GCNT2: variants seen among roughly 807,000 people sequenced by gnomAD.
GCNT2 encodes glucosaminyl (N-acetyl) transferase 2 (I blood group), also known as N-acetyllactosaminide beta-1,6-N-acetylglucosaminyl-transferase.
In GCNT2, 34 loss-of-function variants were observed where a neutral mutation model predicts 34.2. The ratio of observed to expected loss-of-function variants is 1.00; its 90% CI spans 0.76 to 1.32. GCNT2 has a LOEUF of 1.32. Among genes scored for constraint, GCNT2 ranks in the 40% most tolerant of loss-of-function variants. The pLI is 0.00. For missense variants in GCNT2, 584 were observed against 489.4 expected, an observed-to-expected ratio of 1.19 and a Z score of -1.82; for synonymous variants, 212 against 188.0, an observed-to-expected ratio of 1.13 and a Z score of -1.04.
intron 3 of GCNT2, chr6:10,557,095 T>C (rs751290591): frequency 6.3e-7 from 1 of 1,582,950 alleles, no homozygotes; most frequent in Admixed American, 1.8e-5. Flanking sequence ...CTCATGCAAT[T>C]GGACGGACTA....
chr6:10,570,008 C>T (rs1763487000), intron 3 of GCNT2, among the ~76,000 whole-genome samples: 1 of 151,860 alleles, frequency 6.6e-6, no homozygotes, highest in Non-Finnish European at 1.5e-5. Context: ...TGCACTCTGT[C>T]ACCCAGGCTG....
intron 3 of GCNT2, among the ~76,000 whole-genome samples, chr6:10,572,576 C>CA (rs1027552228): frequency 5.3e-5 from 8 of 151,654 alleles, no homozygotes; most frequent in African/African-American, 1.2e-4. Flanking sequence ...ACTAAAAATA[C>CA]AAAAAAAATT....
chr6:10,585,783 G>A (rs1021985759), intron 3 of GCNT2: 11 of 1,430,704 alleles, frequency 7.7e-6, no homozygotes, highest in South Asian at 4.5e-5. Context: ...AGAGAGGGAC[G>A]CACCGCATCT....
rs546833496 is a variant in GCNT2, at chr6:10,540,083, A to C, written c.925+10247A>C. ...ACAGAGTGAGACCCCATCTCAAAAA[A>C]AAAGGAAGGAAAGGAAGGAAGGAAA... On this transcript the variant is annotated intron_variant, in intron 3 of 4. Transcript: ENST00000495262. Among the ~76,000 whole-genome samples, 13 of 151,242 alleles carry C rather than the reference A, an allele frequency of 8.6e-5. No individual in the cohort carries two copies. The South Asian group carries it at 2.1e-3, about 24-fold the overall frequency.
At chr6:10,525,978 T>G (rs574548179) in intron 1 of GCNT2, among the ~76,000 whole-genome samples, 1 of 152,198 alleles carries the variant, frequency 6.6e-6, no homozygotes, top group Non-Finnish European at 1.5e-5. Flanking sequence ...ATGGTAAAAA[T>G]TACTTGACTA....
intron 3 of GCNT2, among the ~76,000 whole-genome samples, chr6:10,587,876 C>T (rs1262604207): frequency 2.8e-4 from 42 of 152,152 alleles, no homozygotes; most frequent in Admixed American, 2.8e-3. Flanking sequence ...GTGACCCCGA[C>T]AAGCCTCACA....
chr6:10,550,212 C>G (rs898141873), intron 3 of GCNT2, among the ~76,000 whole-genome samples: 1 of 152,082 alleles, frequency 6.6e-6, no homozygotes, highest in African/African-American at 2.4e-5. Flanking sequence ...CACCACCATG[C>G]CTGGCTAATT....
chr6:10,576,127 C>T (rs538177148), intron 3 of GCNT2, among the ~76,000 whole-genome samples: 32 of 152,308 alleles, frequency 2.1e-4, no homozygotes, highest in Non-Finnish European at 4.3e-4. Context: ...GCCTTGGCCT[C>T]CCAAAGTGCT....
chr6:10,605,412 G>A (rs1267168260), intron 3 of GCNT2, among the ~76,000 whole-genome samples: 4 of 147,750 alleles, frequency 2.7e-5, no homozygotes, highest in African/African-American at 5.0e-5. Context: ...ATTTCATCAT[G>A]TTGCCCAGGC....
At chr6:10,563,790 A>G (rs1247096757) in intron 3 of GCNT2, among the ~76,000 whole-genome samples, 1 of 130,662 alleles carries the variant, frequency 7.7e-6, no homozygotes, top group African/African-American at 3.2e-5. Flanking sequence ...ATATATATAT[A>G]TATATATATA....
At chr6:10,563,767 AAAAAAAAAAAAT>A (rs1338747806) in intron 3 of GCNT2, among the ~76,000 whole-genome samples, 24 of 68,724 alleles carry the variant, frequency 3.5e-4, no homozygotes, top group African/African-American at 6.8e-4. Context: ...AAAAAAAAAA[AAAAAAAAAAAAT>A]ATATATATAT....
rs201257236 is a variant in GCNT2, at chr6:10,537,698, C to CA, written c.925+7890dup. 3.7e-3 allele frequency among the ~76,000 whole-genome samples: 309 copies of CA among 83,106 alleles called. 10 individuals carry two copies. The highest frequency in any genetic ancestry group is 5.1e-3 in the African/African-American group (87 of 17,196). The allele number at this position is 83,106 out of a possible 152,430, so 54.5% of individuals were successfully genotyped here. A position where few individuals can be genotyped will look rare whatever the true frequency, so the allele number is the denominator to read the frequency against. ...CCTGGGCAAGAGGGAGATTCTGCCGCAAAAAAAAAAAAAAAAAAAAAAAAA... is the reference window on the plus strand; with the variant it reads ...CCTGGGCAAGAGGGAGATTCTGCCGCAAAAAAAAAAAAAAAAAAAAAAAAAA... On this transcript the variant is annotated intron_variant, in intron 3 of 4. Coordinates refer to ENST00000495262, the MANE Select transcript of GCNT2 (RefSeq NM_145649.5).
At chr6:10,575,169 C>T in intron 3 of GCNT2, 1 of 421,500 alleles carries the variant, frequency 2.4e-6, no homozygotes, top group Non-Finnish European at 4.5e-6. Flanking sequence ...TCCATGTTTT[C>T]TAAAAGGCTT....
intron 3 of GCNT2, among the ~76,000 whole-genome samples, chr6:10,547,728 G>A (rs985572076): frequency 1.1e-4 from 16 of 152,110 alleles, no homozygotes; most frequent in African/African-American, 3.1e-4. Flanking sequence ...TACTGTGATC[G>A]TTACCAAATC....
At chr6:10,578,254 A>G (rs1332418326) in intron 3 of GCNT2, among the ~76,000 whole-genome samples, 3 of 151,592 alleles carry the variant, frequency 2.0e-5, no homozygotes, top group African/African-American at 7.3e-5. Context: ...AGCTGGACAC[A>G]TCTATAATCC....
Position 10,556,770 on chromosome 6 carries a change from A to G in GCNT2, c.925+26934A>G, listed in dbSNP as rs758903818. On this transcript the variant is annotated intron_variant, in intron 3 of 4. Transcript: ENST00000495262. ...TTTGCAAGGCTCTTCAGGGCTATTT[A>G]CATGCCCCAAAATATCTACTGTGTT... 4 of 1,614,140 alleles carry G rather than the reference A, an allele frequency of 2.5e-6. No individual in the cohort carries two copies. The South Asian group carries it at 4.4e-5, about 18-fold the overall frequency.
chr6:10,584,025 C>T lies in GCNT2; in HGVS notation c.926-37326C>T, dbSNP rs539189103. Among the ~76,000 whole-genome samples the T allele has an allele frequency of 4.7e-4, 72 of 152,232 alleles. 2 individuals are homozygous for T. In the South Asian group the frequency reaches 0.012, roughly 26 times the overall value. On this transcript the variant is annotated intron_variant, in intron 3 of 4. Coordinates refer to ENST00000495262, the MANE Select transcript of GCNT2 (RefSeq NM_145649.5). ...AGAAATAAGACACAGAGACAAAGTA[C>T]AGAGGAAGAAAAGTGGGCCCTGGGG...
rs1761349632 is a variant in GCNT2 at position 10,529,193 on chromosome 6, G to C, written c.282G>C (p.Gly94=). Residue 94 remains glycine (G), a synonymous_variant, in exon 3 of 5, where the codon GGG becomes GGC. Transcript: ENST00000495262. ...VTETLSEEEA[G]FPLAYTVTIH... ...AAACACTCTCTGAAGAAGAGGCTGG[G>C]TTCCCTTTAGCTTACACAGTGACCA... 6.2e-7 allele frequency: 1 copy of C among 1,614,048 alleles called. No homozygotes were observed. The highest frequency in any genetic ancestry group is 8.5e-7 in the Non-Finnish European group (1 of 1,180,030).
Position 10,569,887 on chromosome 6 carries a change from TTCTTTCTTTC to T in GCNT2, c.925+40052_925+40061del, listed in dbSNP as rs1475306108. Among the ~76,000 whole-genome samples the T allele has an allele frequency of 7.0e-3, 1,066 of 151,548 alleles. 13 individuals carry two copies. Among genetic ancestry groups the T allele is most frequent in the African/African-American group, 0.025 (1,024 of 41,290 alleles). ...TTTCTTTCTTTCTTTCTCTTTCTTTTTCTTTCTTTCCTTCCTTCCTTTTTCCTTCCTTCCT... is the reference window on the plus strand; with the variant it reads ...TTTCTTTCTTTCTTTCTCTTTCTTTTCTTCCTTCCTTTTTCCTTCCTTCCT... On this transcript the variant is annotated intron_variant, in intron 3 of 4. Coordinates refer to ENST00000495262, the MANE Select transcript of GCNT2 (RefSeq NM_145649.5).
Sources: allele counts gnomAD v4.1 joint callset (sites outside exome capture counted in the v4.1 genomes callset), GRCh38; gene constraint gnomAD v4.1.1; transcripts MANE v1.5; gene names NCBI Gene and HGNC (gene_info 2026-07-23, HGNC 2026-07-21).